Variants in RHBDL3 observed in about 807,000 individuals in gnomAD.
The protein encoded by RHBDL3 is rhomboid-related protein 3.
RHBDL3 carries 28 observed loss-of-function variants against 48.2 expected under a neutral mutation model. The observed-to-expected ratio is 0.58, with a 90% CI of 0.43 to 0.80. The LOEUF (loss-of-function observed/expected upper bound fraction) is 0.80, where lower values mean the gene tolerates loss of function less well. Ranked by LOEUF, RHBDL3 falls within the 30% of genes least tolerant of loss-of-function variation. The pLI is 0.00. For synonymous variants in RHBDL3, 208 were observed against 232.3 expected (o/e 0.90, Z 0.95); for missense variants, 464 against 542.7 (o/e 0.85, Z 1.44).
intron 5 of RHBDL3, among the ~76,000 whole-genome samples, chr17:32,297,578 G>C (rs916211164): frequency 6.6e-6 from 1 of 151,734 alleles, no homozygotes; most frequent in East Asian, 1.9e-4. Context: ...TTGTGTCAGC[G>C]TGGCCACTAA....
At chr17:32,266,991 C>G (rs1459587470) in intron 1 of RHBDL3, among the ~76,000 whole-genome samples, 1 of 152,096 alleles carries the variant, frequency 6.6e-6, no homozygotes, top group Admixed American at 6.5e-5. Context: ...CTCCATCCCT[C>G]CGGTCCTGCG....
Position 32,301,257 on chromosome 17 carries a change from A to G in RHBDL3, c.781+3053A>G, listed in dbSNP as rs375206562. 3.3e-5 allele frequency among the ~76,000 whole-genome samples: 5 copies of G among 151,110 alleles called. No homozygotes were observed. The East Asian group carries it at 1.0e-3, about 30-fold the overall frequency. On this transcript the variant is annotated intron_variant, in intron 6 of 8. Transcript: ENST00000269051. Reference sequence around the variant, plus strand: ...ATGGCTAGCAATTATATGGCACACAATGTAGGTATTTTAAAAACCAGTATC... The same window carrying G: ...ATGGCTAGCAATTATATGGCACACAGTGTAGGTATTTTAAAAACCAGTATC...
intron 7 of RHBDL3, among the ~76,000 whole-genome samples, chr17:32,305,791 G>A (rs879895045): frequency 3.3e-5 from 5 of 151,620 alleles, no homozygotes; most frequent in African/African-American, 4.9e-5. Context: ...GGTGGCATGC[G>A]CCTGTAGTCC....
chr17:32,306,075 G>A (rs1360428514), intron 7 of RHBDL3, among the ~76,000 whole-genome samples: 1 of 152,234 alleles, frequency 6.6e-6, no homozygotes, highest in East Asian at 1.9e-4. Flanking sequence ...CAAAGTCACA[G>A]TCAAGTTTGT....
chr17:32,300,708 G>T (rs1182976993), intron 6 of RHBDL3, among the ~76,000 whole-genome samples: 2 of 152,166 alleles, frequency 1.3e-5, no homozygotes, highest in Non-Finnish European at 2.9e-5. Flanking sequence ...GGCATATGAT[G>T]AGGGGTTTGC....
rs1391585635 is a variant in RHBDL3 at position 32,291,264 on chromosome 17, C to T, written c.519+2248C>T. On this transcript the variant is annotated intron_variant, in intron 4 of 8. Transcript: ENST00000269051. ...AGGAGAATTGCTTGAACCCGGGAGG[C>T]GGAGGTTGCAGTGAGCCAAGATCGT... Among the ~76,000 whole-genome samples the T allele has an allele frequency of 8.6e-5, 13 of 150,638 alleles. No homozygotes were observed. The South Asian group carries it at 2.1e-3, about 24-fold the overall frequency.
intron 2 of RHBDL3, among the ~76,000 whole-genome samples, chr17:32,270,134 A>T (rs113002284): frequency 4.6e-5 from 3 of 64,994 alleles, no homozygotes; most frequent in Admixed American, 2.5e-4. Flanking sequence ...CCCTTTCTCA[A>T]AAAAAAAAAA....
intron 7 of RHBDL3, among the ~76,000 whole-genome samples, chr17:32,314,276 C>A (rs2040916448): frequency 6.6e-6 from 1 of 152,140 alleles, no homozygotes; most frequent in South Asian, 2.1e-4. Context: ...AATATATAGA[C>A]ATATGTATGT....
At chr17:32,291,207 C>T (rs576832465) in intron 4 of RHBDL3, among the ~76,000 whole-genome samples, 2 of 151,998 alleles carry the variant, frequency 1.3e-5, no homozygotes, top group Admixed American at 1.3e-4. Flanking sequence ...GTGGTGGGTG[C>T]CTGTAATCCC....
At chr17:32,315,321 C>T (rs1362875771) in intron 7 of RHBDL3, among the ~76,000 whole-genome samples, 4 of 152,222 alleles carry the variant, frequency 2.6e-5, no homozygotes, top group Admixed American at 6.5e-5. Flanking sequence ...TTTCTGTGCA[C>T]GCGCACCTCT....
At chr17:32,310,443 G>T (rs1038908823) in intron 7 of RHBDL3, among the ~76,000 whole-genome samples, 5 of 152,070 alleles carry the variant, frequency 3.3e-5, no homozygotes, top group African/African-American at 9.7e-5. Flanking sequence ...TGGCTGGTGC[G>T]GTGGCTCATG....
chr17:32,282,257 G>A (rs1011377563), intron 2 of RHBDL3, among the ~76,000 whole-genome samples: 2 of 152,174 alleles, frequency 1.3e-5, no homozygotes, highest in African/African-American at 4.8e-5. Context: ...GAAGGTGGGA[G>A]ATATACAGAT....
intron 7 of RHBDL3, among the ~76,000 whole-genome samples, 200 bp from the exon 8 acceptor site, chr17:32,316,032 C>A (rs1044250485): frequency 7.9e-5 from 12 of 152,086 alleles, no homozygotes; most frequent in Admixed American, 4.6e-4. Flanking sequence ...GTTAGTCCAG[C>A]TCAAGAACTC....
chr17:32,317,823 A>G (rs1308301579), intron 8 of RHBDL3, among the ~76,000 whole-genome samples: 1 of 152,186 alleles, frequency 6.6e-6, no homozygotes, highest in Non-Finnish European at 1.5e-5. Flanking sequence ...TGCAGTGTGG[A>G]GAATAGATTG....
chr17:32,278,853 A>AG, intron 2 of RHBDL3, among the ~76,000 whole-genome samples: 1 of 152,312 alleles, frequency 6.6e-6, no homozygotes, highest in East Asian at 1.9e-4. Flanking sequence ...AAGGCTGGGC[A>AG]GGGTGGCTCA....
chr17:32,292,758 C>T (rs1158962313), intron 4 of RHBDL3, among the ~76,000 whole-genome samples: 1 of 147,400 alleles, frequency 6.8e-6, no homozygotes. Flanking sequence ...GCTGAGATCA[C>T]GCCACTGCAC....
At chr17:32,287,849 G>A (rs550892126) in intron 3 of RHBDL3, among the ~76,000 whole-genome samples, 5 of 152,340 alleles carry the variant, frequency 3.3e-5, no homozygotes, top group East Asian at 1.9e-4. Context: ...ACAGTTGGCC[G>A]TGGAAGGCAG....
chr17:32,313,122 C>T (rs868287995), intron 7 of RHBDL3, among the ~76,000 whole-genome samples: 3 of 151,754 alleles, frequency 2.0e-5, no homozygotes, highest in South Asian at 4.2e-4. Flanking sequence ...TTTGGGAGGC[C>T]GAGGCTGGAG....
intron 8 of RHBDL3, among the ~76,000 whole-genome samples, chr17:32,320,135 G>T (rs970554053): frequency 1.3e-5 from 2 of 151,854 alleles, no homozygotes; most frequent in African/African-American, 2.4e-5. Context: ...TAATTACCCA[G>T]ATGTGGTGGT....
Sources: allele counts gnomAD v4.1 joint callset (sites outside exome capture counted in the v4.1 genomes callset), GRCh38; gene constraint gnomAD v4.1.1; transcripts MANE v1.5; gene names NCBI Gene and HGNC (gene_info 2026-07-23, HGNC 2026-07-21).